OTUD7A: variants seen among roughly 807,000 people sequenced by gnomAD.
OTUD7A encodes the protein OTU domain-containing protein 7A.
In OTUD7A, 12 loss-of-function variants were observed where a neutral mutation model predicts 65.7. That is an observed-to-expected ratio of 0.18 (90% CI 0.12 to 0.30). OTUD7A has a LOEUF of 0.30. OTUD7A is among the 10% of genes least tolerant of loss of function. The pLI, the probability that OTUD7A is intolerant of heterozygous loss-of-function variation, is 1.00. For missense variants in OTUD7A, 1,148 were observed against 1,304.8 expected, an observed-to-expected ratio of 0.88 and a Z score of 1.85; for synonymous variants, 641 against 586.3, an observed-to-expected ratio of 1.09 and a Z score of -1.35.
intron 8 of OTUD7A, among the ~76,000 whole-genome samples, chr15:31,510,512 A>G (rs1262867715): frequency 7.0e-6 from 1 of 143,034 alleles, no homozygotes; most frequent in African/African-American, 2.6e-5. Context: ...ACATACATAT[A>G]TATGTATATC....
intron 1 of OTUD7A, among the ~76,000 whole-genome samples, chr15:31,837,013 G>C (rs1392801794): frequency 6.6e-6 from 1 of 151,870 alleles, no homozygotes; most frequent in Non-Finnish European, 1.5e-5. Context: ...AGAAGGAAAT[G>C]AAACACATAA....
chr15:31,502,782 C>A (rs751941329), intron 9 of OTUD7A, among the ~76,000 whole-genome samples: 4 of 152,208 alleles, frequency 2.6e-5, no homozygotes, highest in Non-Finnish European at 5.9e-5. Context: ...GCACGGAGAC[C>A]TGCAGACCTC....
intron 1 of OTUD7A, among the ~76,000 whole-genome samples, chr15:31,821,947 C>T (rs549304992): frequency 5.1e-4 from 77 of 152,202 alleles, no homozygotes; most frequent in Middle Eastern, 6.8e-3. Flanking sequence ...CTTTTCTATT[C>T]GTTATTGAGC....
intron 8 of OTUD7A, among the ~76,000 whole-genome samples, chr15:31,517,220 T>C (rs910890102): frequency 1.3e-5 from 2 of 152,210 alleles, no homozygotes; most frequent in Admixed American, 1.3e-4. Flanking sequence ...CATTTCTCCT[T>C]ATTGCAGGTT....
At chr15:31,825,686 C>A (rs559833125) in intron 1 of OTUD7A, among the ~76,000 whole-genome samples, 70 of 152,320 alleles carry the variant, frequency 4.6e-4, no homozygotes, top group Admixed American at 9.2e-4. Context: ...AGTCCACAAT[C>A]CAAAGTCTCA....
chr15:31,567,730 G>A (rs1307689747), intron 4 of OTUD7A, among the ~76,000 whole-genome samples: 1 of 152,246 alleles, frequency 6.6e-6, no homozygotes, highest in African/African-American at 2.4e-5. Context: ...CATGGGCCAG[G>A]CCCAGGGCCC....
At chr15:31,624,168 G>C (rs1046792655) in intron 3 of OTUD7A, among the ~76,000 whole-genome samples, 22 of 152,112 alleles carry the variant, frequency 1.4e-4, no homozygotes. Context: ...TGAGCACATG[G>C]GCATGTAGTT....
chr15:31,649,948 C>T (rs1385957053), intron 3 of OTUD7A: 3 of 138,114 alleles, frequency 2.2e-5, no homozygotes, highest in Non-Finnish European at 4.4e-5. Context: ...AGAGTGGGCA[C>T]TAATTCCAGG....
intron 8 of OTUD7A, among the ~76,000 whole-genome samples, chr15:31,507,743 A>G (rs2019121): frequency 0.12 from 18,698 of 152,100 alleles, 1,360 homozygotes; most frequent in East Asian, 0.24. Flanking sequence ...GGCTACTTTT[A>G]GGATTCTGCT....
chr15:31,835,637 T>A (rs963487058), intron 1 of OTUD7A, among the ~76,000 whole-genome samples: 4 of 152,142 alleles, frequency 2.6e-5, no homozygotes, highest in Non-Finnish European at 5.9e-5. Context: ...ATATAGATAT[T>A]TCACATACGC....
chr15:31,833,568 T>C (rs1896986191), intron 1 of OTUD7A, among the ~76,000 whole-genome samples: 1 of 152,188 alleles, frequency 6.6e-6, no homozygotes, highest in Non-Finnish European at 1.5e-5. Context: ...TGTAGGAAAA[T>C]ATCCATTCTG....
At chr15:31,869,599 C>A (rs947291453) in intron 1 of OTUD7A, among the ~76,000 whole-genome samples, 1 of 152,202 alleles carries the variant, frequency 6.6e-6, no homozygotes, top group South Asian at 2.1e-4. Context: ...TTTCCCTGAT[C>A]GGGGTCTCAC....
intron 8 of OTUD7A, among the ~76,000 whole-genome samples, chr15:31,517,161 A>C (rs1034324925): frequency 1.3e-5 from 2 of 152,232 alleles, no homozygotes; most frequent in African/African-American, 4.8e-5. Flanking sequence ...AGGTAAGAGA[A>C]GTATCCCATG....
chr15:31,726,786 T>G (rs1289048498), intron 1 of OTUD7A, among the ~76,000 whole-genome samples: 1 of 152,244 alleles, frequency 6.6e-6, no homozygotes, highest in African/African-American at 2.4e-5. Flanking sequence ...GAAGTGACGA[T>G]GGCATTGCCA....
chr15:31,837,613 T>C (rs1436122887), intron 1 of OTUD7A, among the ~76,000 whole-genome samples: 1 of 152,168 alleles, frequency 6.6e-6, no homozygotes, highest in African/African-American at 2.4e-5. Flanking sequence ...ATTGGACTTG[T>C]ATATTGAAAG....
intron 3 of OTUD7A, among the ~76,000 whole-genome samples, chr15:31,644,810 T>G (rs1891614898): frequency 6.6e-6 from 1 of 152,164 alleles, no homozygotes; most frequent in African/African-American, 2.4e-5. Context: ...GGCTAATTAT[T>G]CCCAATTACT....
intron 1 of OTUD7A, among the ~76,000 whole-genome samples, chr15:31,694,946 C>T (rs1261126925): frequency 1.3e-5 from 2 of 151,844 alleles, no homozygotes; most frequent in Admixed American, 6.6e-5. Flanking sequence ...GCTGGGTTCA[C>T]GTCATTCTCC....
chr15:31,843,546 G>A (rs1047129705), intron 1 of OTUD7A, among the ~76,000 whole-genome samples: 5 of 152,146 alleles, frequency 3.3e-5, no homozygotes, highest in African/African-American at 1.2e-4. Context: ...CCCTGGCACA[G>A]AAGCAAGGCA....
intron 3 of OTUD7A, among the ~76,000 whole-genome samples, chr15:31,617,721 C>T (rs1276005013): frequency 6.6e-6 from 1 of 152,080 alleles, no homozygotes; most frequent in Non-Finnish European, 1.5e-5. Flanking sequence ...AAAGAGATTT[C>T]TGGCTGCTGA....
Sources: allele counts gnomAD v4.1 joint callset (sites outside exome capture counted in the v4.1 genomes callset), GRCh38; gene constraint gnomAD v4.1.1; transcripts MANE v1.5; gene names NCBI Gene and HGNC (gene_info 2026-07-23, HGNC 2026-07-21).